The following RMDN1 variants were observed in gnomAD, a reference collection of about 807,000 sequenced individuals.
RMDN1 encodes the protein regulator of microtubule dynamics protein 1.
Under a neutral mutation model 48.9 loss-of-function variants are expected in RMDN1, and 48 were observed. The ratio of observed to expected loss-of-function variants is 0.98; its 90% confidence interval spans 0.78 to 1.25. RMDN1 has a LOEUF of 1.25. Among genes scored for constraint, RMDN1 ranks in the 50% most tolerant of loss-of-function variants. The pLI is 0.00. For missense variants in RMDN1, 418 were observed against 373.4 expected, an observed-to-expected ratio of 1.12 and a Z score of -0.98; for synonymous variants, 148 against 132.6, an observed-to-expected ratio of 1.12 and a Z score of -0.80.
chr8:86,501,427 C>T (rs1188093013), intron 2 of RMDN1, among the ~76,000 whole-genome samples: 4 of 152,132 alleles, frequency 2.6e-5, no homozygotes, highest in Non-Finnish European at 1.5e-5. Flanking sequence ...AATCTCAGCA[C>T]TTTGGGAGGC....
chr8:86,474,017 A>G lies in RMDN1; in HGVS notation c.*291T>C. On this transcript the variant is annotated 3_prime_UTR_variant, in exon 10 of 10. Coordinates refer to ENST00000406452, the MANE Select transcript of RMDN1 (RefSeq NM_016033.3). ...CAAATATTTCTTTGCTTGATCTCCC[A>G]TCCCAATGTGATCAATCCTTAGAAA... 9.0e-7 allele frequency: 1 copy of G among 1,116,124 alleles called. No homozygotes were observed. Among genetic ancestry groups the G allele is most frequent in the Non-Finnish European group, 1.1e-6 (1 of 912,672 alleles). 69.1% of individuals were successfully genotyped at this position (1,116,124 alleles called of 1,614,324 possible).
intron 2 of RMDN1, among the ~76,000 whole-genome samples, chr8:86,497,788 C>G (rs562950620): frequency 5.3e-5 from 8 of 151,464 alleles, no homozygotes; most frequent in African/African-American, 1.9e-4. Flanking sequence ...AATATTAACA[C>G]TAACACCAGA....
chr8:86,476,744 G>A (rs1206441035), intron 8 of RMDN1, among the ~76,000 whole-genome samples: 2 of 152,200 alleles, frequency 1.3e-5, no homozygotes, highest in African/African-American at 2.4e-5. Flanking sequence ...GGCCCAGGCT[G>A]TAGTGCAGTG....
At chr8:86,481,212 A>T (rs1814346789) in intron 5 of RMDN1, among the ~76,000 whole-genome samples, 1 of 152,224 alleles carries the variant, frequency 6.6e-6, no homozygotes, top group Non-Finnish European at 1.5e-5. Context: ...CCAGACTGCC[A>T]GGATTCAAGT....
At chr8:86,498,347 C>A (rs1179980445) in intron 2 of RMDN1, among the ~76,000 whole-genome samples, 1 of 151,832 alleles carries the variant, frequency 6.6e-6, no homozygotes, top group Admixed American at 6.6e-5. Context: ...AGGGCTGGTA[C>A]CAATCCTATT....
chr8:86,480,518 C>T (rs1037289484), intron 5 of RMDN1, among the ~76,000 whole-genome samples, 186 bp from the exon 6 acceptor site: 2 of 152,012 alleles, frequency 1.3e-5, no homozygotes, highest in African/African-American at 4.8e-5. Flanking sequence ...CTATTAATGA[C>T]TTATACTAAT....
At chr8:86,482,040 C>T (rs1052544989) in intron 5 of RMDN1, 1 of 701,106 alleles carries the variant, frequency 1.4e-6, no homozygotes, top group African/African-American at 1.8e-5. Flanking sequence ...ATCGTAAATG[C>T]TAATCACTGG....
At chr8:86,495,099 G>C in intron 2 of RMDN1, 1 of 276,500 alleles carries the variant, frequency 3.6e-6, no homozygotes, top group Non-Finnish European at 7.2e-6. Context: ...CACTGAGAGA[G>C]ACCATCATCG....
chr8:86,510,901 C>G (rs1010061507), upstream of RMDN1, among the ~76,000 whole-genome samples: 22 of 152,042 alleles, frequency 1.4e-4, no homozygotes, highest in Admixed American at 1.0e-3. Flanking sequence ...ATCGGGAGAA[C>G]AGCTTGAGCC....
At chr8:86,485,787 T>C (rs1251467748) in intron 4 of RMDN1, among the ~76,000 whole-genome samples, 1 of 152,078 alleles carries the variant, frequency 6.6e-6, no homozygotes, top group Non-Finnish European at 1.5e-5. Flanking sequence ...CCAGGTGCTG[T>C]GGAAAGTCAC....
intron 6 of RMDN1, among the ~76,000 whole-genome samples, chr8:86,479,224 T>C (rs1290726876): frequency 6.6e-6 from 1 of 152,166 alleles, no homozygotes; most frequent in Non-Finnish European, 1.5e-5. Context: ...TAAGCAGTCA[T>C]ACTAATAACA....
At chr8:86,489,688 G>A (rs1357770195) in intron 2 of RMDN1, among the ~76,000 whole-genome samples, 1 of 152,036 alleles carries the variant, frequency 6.6e-6, no homozygotes, top group African/African-American at 2.4e-5. Context: ...AAATTAGCTG[G>A]GCGTGATGGC....
At chr8:86,505,430 C>T (rs970284138) in intron 2 of RMDN1, 26 of 453,052 alleles carry the variant, frequency 5.7e-5, no homozygotes, top group Non-Finnish European at 9.4e-5. Flanking sequence ...CAACCTCAGA[C>T]TTATCAGGAA....
chr8:86,495,666 C>T (rs143623837), intron 2 of RMDN1, among the ~76,000 whole-genome samples: 152 of 152,278 alleles, frequency 1.0e-3, no homozygotes, highest in African/African-American at 3.4e-3. Context: ...CCTGGTGAAA[C>T]ACTTGCCAGT....
At chr8:86,488,053 T>C (rs896760173) in intron 3 of RMDN1, among the ~76,000 whole-genome samples, 3 of 152,124 alleles carry the variant, frequency 2.0e-5, no homozygotes, top group Non-Finnish European at 2.9e-5. Flanking sequence ...CACACTGATA[T>C]TCTACACTAA....
At chr8:86,507,584 T>C (rs1187466533) in intron 1 of RMDN1, among the ~76,000 whole-genome samples, 1 of 152,138 alleles carries the variant, frequency 6.6e-6, no homozygotes, top group Non-Finnish European at 1.5e-5. Flanking sequence ...AAGCAATCCT[T>C]CCGCCTCGGC....
upstream of RMDN1, chr8:86,508,863 G>A (rs1819876220): frequency 8.6e-7 from 1 of 1,157,308 alleles, no homozygotes; most frequent in Non-Finnish European, 1.1e-6. Flanking sequence ...CAGGACTGAG[G>A]CCGTGAGAGC....
intron 2 of RMDN1, among the ~76,000 whole-genome samples, chr8:86,499,936 G>C (rs1460509537): frequency 2.6e-5 from 4 of 152,142 alleles, no homozygotes; most frequent in African/African-American, 7.2e-5. Context: ...AAGCAATGGA[G>C]AAAAGAATCC....
chr8:86,506,865 C>A (rs1359734395), intron 2 of RMDN1, 130 bp downstream of exon 2: 2 of 582,756 alleles, frequency 3.4e-6, no homozygotes, highest in Non-Finnish European at 6.2e-6. Context: ...TCTCACTGAG[C>A]AGATTGTGAA....
Sources: gnomAD v4.1 joint callset for allele counts (sites outside exome capture counted in the v4.1 genomes callset) on GRCh38, gnomAD v4.1.1 for gene constraint, MANE v1.5 for transcripts, NCBI Gene and HGNC (gene_info 2026-07-23, HGNC 2026-07-21) for gene names.